CADM1: variants seen among roughly 807,000 people sequenced by gnomAD.
CADM1 encodes cell adhesion molecule 1, also known as TSLC-1.
A neutral mutation model predicts 53.1 loss-of-function variants in CADM1; 15 were observed. The observed-to-expected ratio is 0.28, with a 90% confidence interval of 0.19 to 0.44. The LOEUF (loss-of-function observed/expected upper bound fraction) is 0.44, where lower values mean the gene tolerates loss of function less well. Among genes scored for constraint, CADM1 ranks in the 20% least tolerant of loss-of-function variants. The probability of loss-of-function intolerance (pLI) is 1.00; values close to 1 mark genes in which losing one functional copy is unlikely to be tolerated. For missense variants in CADM1, 434 were observed against 611.3 expected (o/e 0.71, Z 3.06); for synonymous variants, 281 against 243.0 (o/e 1.16, Z -1.45).
At chr11:115,235,501 GA>G (rs1210286559) in intron 3 of CADM1, among the ~76,000 whole-genome samples, 1 of 152,194 alleles carries the variant, frequency 6.6e-6, no homozygotes, top group Non-Finnish European at 1.5e-5. Flanking sequence ...GCATATAGAT[GA>G]AAACCTGAAT....
At chr11:115,427,825 G>A (rs915138773) in intron 1 of CADM1, among the ~76,000 whole-genome samples, 9 of 151,636 alleles carry the variant, frequency 5.9e-5, no homozygotes, top group African/African-American at 1.9e-4. Flanking sequence ...TGGCTAACAC[G>A]TGAAAGCCCA....
intron 1 of CADM1, among the ~76,000 whole-genome samples, chr11:115,446,565 C>T (rs912231753): frequency 6.6e-6 from 1 of 152,134 alleles, no homozygotes; most frequent in Non-Finnish European, 1.5e-5. Flanking sequence ...GATAAAAGAA[C>T]TAAGTCCCAG....
intron 1 of CADM1, among the ~76,000 whole-genome samples, chr11:115,428,456 G>T (rs1013625704): frequency 2.6e-5 from 4 of 151,994 alleles, no homozygotes; most frequent in African/African-American, 9.7e-5. Flanking sequence ...AAGAGTCCTT[G>T]CATCTGGTGA....
At chr11:115,377,843 T>G (rs980476312) in intron 1 of CADM1, 4 of 152,196 alleles carry the variant, frequency 2.6e-5, no homozygotes, top group Admixed American at 2.6e-4. Context: ...TATTAGCAAA[T>G]TGAACTTTTG....
chr11:115,207,913 T>C (rs562221982), intron 8 of CADM1, among the ~76,000 whole-genome samples: 1 of 152,304 alleles, frequency 6.6e-6, no homozygotes, highest in African/African-American at 2.4e-5. Context: ...CTAATTTGGC[T>C]TACGAACTGG....
At chr11:115,398,246 C>T (rs1224388164) in intron 1 of CADM1, among the ~76,000 whole-genome samples, 1 of 152,146 alleles carries the variant, frequency 6.6e-6, no homozygotes, top group Non-Finnish European at 1.5e-5. Context: ...ATATAAAAGG[C>T]TTTTAAAATA....
At chr11:115,442,942 A>G (rs1185747521) in intron 1 of CADM1, among the ~76,000 whole-genome samples, 1 of 152,234 alleles carries the variant, frequency 6.6e-6, no homozygotes, top group Non-Finnish European at 1.5e-5. Context: ...GCATATTCTA[A>G]TGGCAACAGT....
intron 1 of CADM1, among the ~76,000 whole-genome samples, chr11:115,322,302 T>C (rs1471066241): frequency 6.6e-6 from 1 of 152,258 alleles, no homozygotes; most frequent in African/African-American, 2.4e-5. Flanking sequence ...GTGTTTAGCA[T>C]TTTGGAAGAC....
chr11:115,299,337 C>T lies in CADM1; in HGVS notation c.125-58917G>A, dbSNP rs546835107. Among the ~76,000 whole-genome samples the T allele has an allele frequency of 4.0e-4, 61 of 152,182 alleles. 1 individual carries two copies. In the South Asian group the frequency reaches 0.012, roughly 31 times the overall value. ...TGACTTTATCTGCAGATGGGATATT[C>T]TCAAAAATATTTTCTCCCTGCCCCA... On this transcript the variant is annotated intron_variant, in intron 1 of 11. Transcript: ENST00000331581.
At position 115,198,701 on chromosome 11, in the gene CADM1, A is replaced by G. The variant is rs78281389; in HGVS notation, c.1079-263T>C. Among the ~76,000 whole-genome samples the G allele has an allele frequency of 6.4e-3, 978 of 152,322 alleles. 16 individuals carry two copies. Among genetic ancestry groups the G allele is most frequent in the African/African-American group, 0.023 (937 of 41,556 alleles). ...CTGGGGGTCTTGCCAGGACACATATATTTGCTAGTCAATAGTCAGGTGGAC... is the reference window on the plus strand; with the variant it reads ...CTGGGGGTCTTGCCAGGACACATATGTTTGCTAGTCAATAGTCAGGTGGAC... On this transcript the variant is annotated intron_variant, in intron 8 of 11. Coordinates refer to ENST00000331581, the MANE Select transcript of CADM1 (RefSeq NM_001301043.2).
intron 1 of CADM1, among the ~76,000 whole-genome samples, chr11:115,434,860 A>ATTTTTTTTT (rs35368859): frequency 1.5e-5 from 2 of 132,822 alleles, no homozygotes; most frequent in Admixed American, 7.7e-5. Flanking sequence ...TATTATTATT[A>ATTTTTTTTT]TTATTTTTTT....
chr11:115,443,793 A>G (rs1034340757), intron 1 of CADM1, among the ~76,000 whole-genome samples: 12 of 152,250 alleles, frequency 7.9e-5, no homozygotes, highest in Non-Finnish European at 1.0e-4. Context: ...AAAGGTATCC[A>G]CAGTACCAAG....
At chr11:115,211,195 G>A (rs910574168) in intron 7 of CADM1, among the ~76,000 whole-genome samples, 1 of 151,040 alleles carries the variant, frequency 6.6e-6, no homozygotes, top group African/African-American at 2.4e-5. Context: ...CACAGGTAGG[G>A]AAGCATTTTG....
intron 3 of CADM1, among the ~76,000 whole-genome samples, chr11:115,233,629 C>A (rs554386208): frequency 6.6e-6 from 1 of 151,588 alleles, no homozygotes; most frequent in Admixed American, 6.6e-5. Flanking sequence ...GAAAATAAGA[C>A]CTTAAAGAGT....
chr11:115,198,556 T>C, intron 8 of CADM1, 118 bp from the exon 9 acceptor site: 1 of 743,914 alleles, frequency 1.3e-6, no homozygotes, highest in South Asian at 1.5e-5. Context: ...TCAAAGAACA[T>C]CGCGTGACAA....
chr11:115,240,179 A>G (rs1942174654), intron 2 of CADM1, 95 bp downstream of exon 2: 6 of 1,149,156 alleles, frequency 5.2e-6, no homozygotes, highest in Non-Finnish European at 6.4e-6. Flanking sequence ...AGCATCTAAC[A>G]TTAAATTTAA....
At chr11:115,314,537 G>T (rs1944611271) in intron 1 of CADM1, among the ~76,000 whole-genome samples, 1 of 152,144 alleles carries the variant, frequency 6.6e-6, no homozygotes, top group Non-Finnish European at 1.5e-5. Context: ...CTATGACTAA[G>T]ACTATGCAGT....
chr11:115,188,525 A>G (rs1939687274), intron 10 of CADM1, among the ~76,000 whole-genome samples: 1 of 152,176 alleles, frequency 6.6e-6, no homozygotes, highest in Non-Finnish European at 1.5e-5. Context: ...AGGTCGGGGC[A>G]AAGGGGACAA....
At chr11:115,503,975 C>T (rs1366522653) in intron 1 of CADM1, among the ~76,000 whole-genome samples, 1 of 152,036 alleles carries the variant, frequency 6.6e-6, no homozygotes, top group Non-Finnish European at 1.5e-5. Flanking sequence ...TGCTTTACAG[C>T]CCCCGGGCCC....
Sources: gnomAD v4.1 joint callset for allele counts (sites outside exome capture counted in the v4.1 genomes callset) on GRCh38, gnomAD v4.1.1 for gene constraint, MANE v1.5 for transcripts, NCBI Gene and HGNC (gene_info 2026-07-23, HGNC 2026-07-21) for gene names.